The following CCDC83 variants were observed in gnomAD, a reference collection of about 807,000 sequenced individuals.
The protein encoded by CCDC83 is coiled-coil domain containing 83.
In CCDC83, 54 loss-of-function variants were observed where a neutral mutation model predicts 50.1. The ratio of observed to expected loss-of-function variants is 1.08; its 90% confidence interval spans 0.87 to 1.35. CCDC83 has a LOEUF of 1.35. CCDC83 is among the 40% of genes most tolerant of loss of function. CCDC83 has a pLI of 0.00. For missense variants in CCDC83, 518 were observed against 473.9 expected, an observed-to-expected ratio of 1.09 and a Z score of -0.86; for synonymous variants, 161 against 153.3, an observed-to-expected ratio of 1.05 and a Z score of -0.37.
intron 1 of CCDC83, among the ~76,000 whole-genome samples, chr11:85,863,650 A>G (rs77296619): frequency 6.6e-6 from 1 of 152,342 alleles, no homozygotes; most frequent in African/African-American, 2.4e-5. Flanking sequence ...GCGTGTTTTC[A>G]TATTAACAAG....
At chr11:85,875,998 G>A (rs541792555) in intron 3 of CCDC83, among the ~76,000 whole-genome samples, 1 of 152,228 alleles carries the variant, frequency 6.6e-6, no homozygotes, top group South Asian at 2.1e-4. Context: ...CAATTTGCCA[G>A]GTCCAATAGA....
chr11:85,883,754 G>T (rs1009365198), intron 4 of CCDC83, among the ~76,000 whole-genome samples: 24 of 152,136 alleles, frequency 1.6e-4, no homozygotes, highest in Middle Eastern at 3.2e-3. Flanking sequence ...CGTATTTCTG[G>T]ATTTCTCCAA....
chr11:85,918,006 A>G (rs1042228139), intron 10 of CCDC83: 1 of 152,252 alleles, frequency 6.6e-6, no homozygotes, highest in Non-Finnish European at 1.5e-5. Context: ...GTAGGTCTCC[A>G]TCAACTTGCT....
chr11:85,868,246 ACT>A (rs2093218675), intron 2 of CCDC83, among the ~76,000 whole-genome samples: 1 of 152,164 alleles, frequency 6.6e-6, no homozygotes, highest in South Asian at 2.1e-4. Flanking sequence ...TCTCCTTTAT[ACT>A]TGTCTTGCCC....
chr11:85,873,152 T>A, intron 2 of CCDC83, 59 bp from the exon 3 acceptor site: 1 of 895,226 alleles, frequency 1.1e-6, no homozygotes, highest in Non-Finnish European at 1.7e-6. Context: ...ACCTTTTAAA[T>A]TTTTTCTCAT....
At chr11:85,886,902 C>A (rs980219704) in intron 5 of CCDC83, among the ~76,000 whole-genome samples, 3 of 151,982 alleles carry the variant, frequency 2.0e-5, no homozygotes, top group Non-Finnish European at 4.4e-5. Context: ...ACAGAGCAGA[C>A]CTTGTCTCAA....
intron 7 of CCDC83, among the ~76,000 whole-genome samples, chr11:85,901,733 G>A (rs2093403292): frequency 6.6e-6 from 1 of 151,710 alleles, no homozygotes; most frequent in Non-Finnish European, 1.5e-5. Context: ...AGTAATTTCA[G>A]AAAGAAAGAA....
chr11:85,857,911 G>C (rs1307383829), intron 1 of CCDC83, among the ~76,000 whole-genome samples: 1 of 152,210 alleles, frequency 6.6e-6, no homozygotes, highest in Non-Finnish European at 1.5e-5. Flanking sequence ...ACCACCACAG[G>C]CTGTGTTAAC....
At chr11:85,860,841 G>C (rs530557078) in intron 1 of CCDC83, among the ~76,000 whole-genome samples, 1 of 152,310 alleles carries the variant, frequency 6.6e-6, no homozygotes, top group African/African-American at 2.4e-5. Context: ...TAGCAACATG[G>C]ATGCAGCTGG....
intron 7 of CCDC83, among the ~76,000 whole-genome samples, chr11:85,904,023 T>C (rs2093414098): frequency 6.6e-6 from 1 of 151,540 alleles, no homozygotes; most frequent in Non-Finnish European, 1.5e-5. Context: ...AATAAAAAAT[T>C]AATTAAAAAA....
intron 7 of CCDC83, among the ~76,000 whole-genome samples, chr11:85,910,332 G>A (rs2093447727): frequency 2.0e-5 from 3 of 152,188 alleles, no homozygotes. Flanking sequence ...TTCCCAAAGT[G>A]TAATATCATT....
At chr11:85,912,604 CA>C (rs1200728316) in intron 8 of CCDC83, 1 of 1,145,826 alleles carries the variant, frequency 8.7e-7, no homozygotes, top group Non-Finnish European at 1.3e-6. Flanking sequence ...CACTGTTGCC[CA>C]GTAGGCAATG....
chr11:85,861,998 TAAAAAAA>T (rs34372795), intron 1 of CCDC83, among the ~76,000 whole-genome samples: 86 of 94,800 alleles, frequency 9.1e-4, no homozygotes, highest in Non-Finnish European at 1.1e-3. Context: ...CCTGTCTCAT[TAAAAAAA>T]AAAAAAAAAA....
intron 4 of CCDC83, among the ~76,000 whole-genome samples, chr11:85,885,129 A>C (rs925692593): frequency 5.9e-5 from 9 of 151,820 alleles, no homozygotes; most frequent in Admixed American, 1.3e-4. Context: ...CAGGAGAATC[A>C]CTTGAACCTG....
At chr11:85,857,308 T>G (rs1223406391) in intron 1 of CCDC83, among the ~76,000 whole-genome samples, 1 of 152,218 alleles carries the variant, frequency 6.6e-6, no homozygotes, top group African/African-American at 2.4e-5. Context: ...GGTGCCAAGC[T>G]GCAGTGGTCC....
In CCDC83 at chr11:85,873,302, A is replaced by G. The variant is rs992289175; in HGVS notation, c.180+7A>G. The G allele has an allele frequency of 5.4e-6, 7 of 1,298,436 alleles. No homozygotes were observed. The African/African-American group carries it at 6.0e-5, about 11-fold the overall frequency. The allele number at this position is 1,298,436 out of a possible 1,614,324, so 80.4% of individuals were successfully genotyped here. ...CCAAAAATATCATGAAAGAGTGAGT[A>G]TAAAATTTAGAACCTATATATAGTC... On this transcript the variant is annotated splice_region_variant and intron_variant, in intron 3 of 10. Coordinates refer to ENST00000342404, the MANE Select transcript of CCDC83 (RefSeq NM_001286159.2).
intron 1 of CCDC83, among the ~76,000 whole-genome samples, chr11:85,858,761 G>A (rs2093157333): frequency 6.6e-6 from 1 of 152,098 alleles, no homozygotes; most frequent in Non-Finnish European, 1.5e-5. Flanking sequence ...ATACCTGTGT[G>A]CTTGGTTCAC....
At position 85,917,167 on chromosome 11, in the gene CCDC83, A is replaced by AGAAG. The variant is rs1565160021; in HGVS notation, c.1080+937_1080+938insGGAA. ...GAGAGAGAGAGAGAGAGAGAGAGAG[A>AGAAG]GAAAGAAAGAAAGAAAGAAAGAAAG... is the stretch of plus-strand genomic sequence containing the variant. On this transcript the variant is annotated intron_variant, in intron 10 of 10. Transcript: ENST00000342404. Among the ~76,000 whole-genome samples the AGAAG allele has an allele frequency of 3.1e-3, 269 of 86,880 alleles. 4 individuals carry two copies. The highest frequency in any genetic ancestry group is 0.011 in the African/African-American group (262 of 24,474). 57.0% of individuals were successfully genotyped at this position (86,880 alleles called of 152,430 possible). A position where few individuals can be genotyped will look rare whatever the true frequency, so the allele number is the denominator to read the frequency against.
intron 1 of CCDC83, among the ~76,000 whole-genome samples, chr11:85,862,012 A>AT (rs1216591415): frequency 6.0e-5 from 9 of 150,660 alleles, no homozygotes; most frequent in African/African-American, 2.0e-4. Context: ...AAAAAAAAAA[A>AT]AAAAAAAAAG....
Sources: allele counts gnomAD v4.1 joint callset (sites outside exome capture counted in the v4.1 genomes callset), GRCh38; gene constraint gnomAD v4.1.1; transcripts MANE v1.5; gene names NCBI Gene and HGNC (gene_info 2026-07-23, HGNC 2026-07-21).